Variants in MANBAL observed in about 807,000 individuals in gnomAD.
The protein encoded by MANBAL is mannosidase beta like.
In MANBAL, 1 loss-of-function variant was observed where a neutral mutation model predicts 6.4. The observed-to-expected ratio is 0.16, with a 90% CI of 0.06 to 0.74. The LOEUF (loss-of-function observed/expected upper bound fraction) is 0.74, where lower values mean the gene tolerates loss of function less well. Among genes scored for constraint, MANBAL ranks in the 30% least tolerant of loss-of-function variants. The probability of loss-of-function intolerance (pLI) is 0.78; values close to 1 mark genes in which losing one functional copy is unlikely to be tolerated. For missense variants in MANBAL, 100 were observed against 107.8 expected, an observed-to-expected ratio of 0.93 and a Z score of 0.32; for synonymous variants, 47 against 45.8, an observed-to-expected ratio of 1.03 and a Z score of -0.10.
In MANBAL at chr20:37,307,229, G is replaced by A. The variant is rs189872013; in HGVS notation, c.150+5816G>A. ...GATTCTCTCACCTTGGCCTCCCAAAGTGATGGGATTACAGGCATGAGCCAG... is the reference window on the plus strand; with the variant it reads ...GATTCTCTCACCTTGGCCTCCCAAAATGATGGGATTACAGGCATGAGCCAG... On this transcript the variant is annotated intron_variant, in intron 2 of 2. Coordinates refer to ENST00000373606, the MANE Select transcript of MANBAL (RefSeq NM_001003897.2). Among the ~76,000 whole-genome samples, 662 of 152,282 alleles carry A rather than the reference G, an allele frequency of 4.3e-3. 3 individuals carry two copies. The highest frequency in any genetic ancestry group is 0.015 in the African/African-American group (634 of 41,570).
At chr20:37,305,618 A>T (rs556630093) in intron 2 of MANBAL, among the ~76,000 whole-genome samples, 5 of 151,836 alleles carry the variant, frequency 3.3e-5, no homozygotes, top group South Asian at 4.2e-4. Flanking sequence ...TTAATCTTGC[A>T]TTTAGGGAAA....
At chr20:37,308,967 C>T (rs2069320218) in intron 2 of MANBAL, among the ~76,000 whole-genome samples, 1 of 152,208 alleles carries the variant, frequency 6.6e-6, no homozygotes, top group Non-Finnish European at 1.5e-5. Flanking sequence ...AAGGCAGGTC[C>T]TTTCACTTCT....
intron 2 of MANBAL, among the ~76,000 whole-genome samples, chr20:37,304,069 A>G (rs1163032143): frequency 6.6e-6 from 1 of 152,244 alleles, no homozygotes; most frequent in Admixed American, 6.5e-5. Context: ...TATACCAGTT[A>G]CACTTTTAAA....
intron 2 of MANBAL, among the ~76,000 whole-genome samples, chr20:37,316,065 G>A (rs1285560931): frequency 1.3e-5 from 2 of 152,196 alleles, no homozygotes; most frequent in South Asian, 2.1e-4. Context: ...AGGATCCCAG[G>A]TTCTACCTGG....
intron 2 of MANBAL, among the ~76,000 whole-genome samples, chr20:37,311,364 G>A (rs1322629681): frequency 6.6e-6 from 1 of 152,264 alleles, no homozygotes. Flanking sequence ...AAGAGGCCTG[G>A]AGCCCCTGCT....
intron 2 of MANBAL, among the ~76,000 whole-genome samples, chr20:37,315,681 C>T (rs546868353): frequency 2.0e-5 from 3 of 152,232 alleles, no homozygotes; most frequent in African/African-American, 4.8e-5. Context: ...TGCCCTCCCC[C>T]ACAGAGGCAC....
At chr20:37,315,717 T>C (rs1168785559) in intron 2 of MANBAL, among the ~76,000 whole-genome samples, 2 of 152,188 alleles carry the variant, frequency 1.3e-5, no homozygotes, top group East Asian at 1.9e-4. Flanking sequence ...CAGAACACAG[T>C]GTGGGACTGC....
intron 1 of MANBAL, among the ~76,000 whole-genome samples, chr20:37,296,038 A>G (rs1027492429): frequency 6.6e-6 from 1 of 152,234 alleles, no homozygotes; most frequent in Admixed American, 6.5e-5. Flanking sequence ...GAACCTTTTC[A>G]CAACCACCCT....
intron 2 of MANBAL, among the ~76,000 whole-genome samples, chr20:37,306,109 A>T (rs1298847409): frequency 1.3e-5 from 2 of 152,054 alleles, no homozygotes; most frequent in Non-Finnish European, 2.9e-5. Context: ...GGAGGGTGGC[A>T]GGAGGTAGGA....
At chr20:37,307,680 C>G (rs1313880964) in intron 2 of MANBAL, among the ~76,000 whole-genome samples, 4 of 151,716 alleles carry the variant, frequency 2.6e-5, no homozygotes, top group Non-Finnish European at 5.9e-5. Context: ...TCCCTTGAAC[C>G]CGGGAGATGG....
At chr20:37,304,722 A>G (rs970906051) in intron 2 of MANBAL, among the ~76,000 whole-genome samples, 17 of 152,290 alleles carry the variant, frequency 1.1e-4, no homozygotes, top group African/African-American at 4.1e-4. Flanking sequence ...GTGGAGAACT[A>G]TGGTGAAGGA....
At chr20:37,306,947 C>A (rs968680912) in intron 2 of MANBAL, among the ~76,000 whole-genome samples, 2 of 152,242 alleles carry the variant, frequency 1.3e-5, no homozygotes, top group South Asian at 4.2e-4. Flanking sequence ...TTCTCTGAAG[C>A]CTTGGATCAG....
chr20:37,292,488 G>A (rs1280145561), intron 1 of MANBAL, among the ~76,000 whole-genome samples: 1 of 152,134 alleles, frequency 6.6e-6, no homozygotes, highest in African/African-American at 2.4e-5. Context: ...TTTTAGTAGA[G>A]AGAGTTTCAC....
chr20:37,291,498 A>C (rs560379120), intron 1 of MANBAL, among the ~76,000 whole-genome samples: 1 of 152,152 alleles, frequency 6.6e-6, no homozygotes, highest in Non-Finnish European at 1.5e-5. Flanking sequence ...AGGGTTTTGA[A>C]GATAGTACTG....
intron 2 of MANBAL, 136 bp from the exon 3 acceptor site, chr20:37,316,172 G>T: frequency 2.6e-6 from 2 of 774,192 alleles, no homozygotes; most frequent in South Asian, 3.3e-5. Context: ...ATCCGTGTGG[G>T]TGGTAGGTCC....
At position 37,316,533 on chromosome 20, in the gene MANBAL, C is replaced by T. The variant is rs898121284; in HGVS notation, c.*118C>T. On this transcript the variant is annotated 3_prime_UTR_variant, in exon 3 of 3. Transcript: ENST00000373606. ...CAGGGTCTGAGGAGGCTGTGACGCC[C>T]TATGACCGCAGAGATCTAGACAGTC... 11 of 793,550 alleles carry T rather than the reference C, an allele frequency of 1.4e-5. No individual in the cohort carries two copies. Among genetic ancestry groups the T allele is most frequent in the Non-Finnish European group, 2.0e-5 (10 of 502,936 alleles). The allele number at this position is 793,550 out of a possible 1,614,324, so 49.2% of individuals were successfully genotyped here.
intron 2 of MANBAL, among the ~76,000 whole-genome samples, chr20:37,307,189 C>T (rs752402955): frequency 8.5e-5 from 13 of 152,158 alleles, no homozygotes; most frequent in Non-Finnish European, 1.8e-4. Context: ...TGGTCTTGAA[C>T]TCCTGGGCTC....
chr20:37,290,366 C>T (rs1332094217), intron 1 of MANBAL, among the ~76,000 whole-genome samples: 2 of 151,734 alleles, frequency 1.3e-5, no homozygotes, highest in Non-Finnish European at 2.9e-5. Context: ...TTGCGTGGTT[C>T]TTAGGAATTT....
intron 1 of MANBAL, among the ~76,000 whole-genome samples, chr20:37,296,013 C>T (rs555410324): frequency 6.6e-5 from 10 of 152,342 alleles, no homozygotes; most frequent in African/African-American, 2.4e-4. Context: ...GTGTGTAGAG[C>T]AGTTTATGTT....
Sources: gnomAD v4.1 joint callset for allele counts (sites outside exome capture counted in the v4.1 genomes callset) on GRCh38, gnomAD v4.1.1 for gene constraint, MANE v1.5 for transcripts, NCBI Gene and HGNC (gene_info 2026-07-23, HGNC 2026-07-21) for gene names.